ANTXR2: variants seen among roughly 807,000 people sequenced by gnomAD.
ANTXR2 encodes ANTXR cell adhesion molecule 2.
Under a neutral mutation model 73.7 loss-of-function variants are expected in ANTXR2, and 44 were observed. The observed-to-expected ratio is 0.60, with a 90% CI of 0.47 to 0.77. The LOEUF (loss-of-function observed/expected upper bound fraction) is 0.77. ANTXR2 is among the 30% of genes least tolerant of loss of function. The pLI, the probability that ANTXR2 is intolerant of heterozygous loss-of-function variation, is 0.00. For missense variants in ANTXR2, 604 were observed against 592.5 expected, an observed-to-expected ratio of 1.02 and a Z score of -0.20; for synonymous variants, 217 against 205.9, an observed-to-expected ratio of 1.05 and a Z score of -0.46.
In ANTXR2 at chr4:79,996,379, A is replaced by G. The variant is rs186809874; in HGVS notation, c.1042-11516T>C. Among the ~76,000 whole-genome samples the G allele has an allele frequency of 4.6e-3, 695 of 151,994 alleles. 10 individuals carry two copies. The highest frequency in any genetic ancestry group is 0.016 in the African/African-American group (660 of 41,534). On this transcript the variant is annotated intron_variant, in intron 12 of 16. Coordinates refer to ENST00000403729, the MANE Select transcript of ANTXR2 (RefSeq NM_058172.6). ...GATGAATGAATGAATTGACAAATAG[A>G]TGATAGATAATTACACAGATAGTTA...
chr4:79,980,026 ATTC>A (rs935205583), intron 14 of ANTXR2, among the ~76,000 whole-genome samples: 12 of 152,138 alleles, frequency 7.9e-5, no homozygotes, highest in South Asian at 2.1e-4. Context: ...TGATAATCAT[ATTC>A]TTCTTTCAAG....
chr4:79,937,446 G>A (rs542058988), intron 16 of ANTXR2, among the ~76,000 whole-genome samples: 2 of 152,220 alleles, frequency 1.3e-5, no homozygotes, highest in African/African-American at 4.8e-5. Context: ...CTCACAGAAA[G>A]CTTTTTATCT....
chr4:80,029,886 A>T (rs1229906527), intron 10 of ANTXR2, among the ~76,000 whole-genome samples: 2 of 151,856 alleles, frequency 1.3e-5, no homozygotes, highest in Non-Finnish European at 2.9e-5. Context: ...CAAATAGAAG[A>T]TGAAGTCTGA....
chr4:80,050,148 C>T (rs773843232), intron 7 of ANTXR2, among the ~76,000 whole-genome samples: 5 of 151,770 alleles, frequency 3.3e-5, no homozygotes, highest in Non-Finnish European at 7.4e-5. Flanking sequence ...AGTCCCACCA[C>T]AGGAATTGTG....
Position 80,033,523 on chromosome 4 carries a change from G to A in ANTXR2, c.745C>T (p.Arg249Trp), listed in dbSNP as rs377185226. The part of the protein sequence containing the change: ...LSGRGFMLGS[R>W]NGSVLCTYTV... ...TAAGTGCAGAGAACACTGCCATTCCGACTGCCCAGCATGAATCCTCTTCCA... is the reference window on the plus strand; with the variant it reads ...TAAGTGCAGAGAACACTGCCATTCCAACTGCCCAGCATGAATCCTCTTCCA... Residue 249 changes from arginine to tryptophan, a missense_variant, in exon 9 of 17, where the codon CGG becomes TGG. By Grantham distance (101) the Arg-to-Trp change is moderately radical. Coordinates refer to ENST00000403729, the MANE Select transcript of ANTXR2 (RefSeq NM_058172.6). 1.9e-5 allele frequency: 30 copies of A among 1,597,962 alleles called. No homozygotes were observed. The highest frequency in any genetic ancestry group is 1.0e-4 in the South Asian group (9 of 86,952).
chr4:80,006,634 C>A (rs574556961), intron 12 of ANTXR2, among the ~76,000 whole-genome samples: 4 of 152,124 alleles, frequency 2.6e-5, no homozygotes, highest in African/African-American at 9.6e-5. Context: ...GAAAGTAACT[C>A]CATGATTTGA....
At chr4:79,979,506 T>C (rs1729793297) in intron 14 of ANTXR2, among the ~76,000 whole-genome samples, 1 of 152,230 alleles carries the variant, frequency 6.6e-6, no homozygotes, top group Non-Finnish European at 1.5e-5. Context: ...TTCAGTCTTT[T>C]TGATAAGGCT....
chr4:79,966,263 C>T (rs1390731433), intron 16 of ANTXR2, among the ~76,000 whole-genome samples: 3 of 152,022 alleles, frequency 2.0e-5, no homozygotes, highest in Admixed American at 6.5e-5. Context: ...ACTTGGGCAT[C>T]GTAGTCCCCT....
chr4:80,006,447 T>C (rs566151414), intron 12 of ANTXR2, among the ~76,000 whole-genome samples: 4 of 152,198 alleles, frequency 2.6e-5, no homozygotes, highest in South Asian at 4.1e-4. Flanking sequence ...TTCATACTTA[T>C]ATGAACTTAT....
chr4:79,981,540 T>A (rs376957684), intron 14 of ANTXR2, among the ~76,000 whole-genome samples: 108 of 152,280 alleles, frequency 7.1e-4, no homozygotes, highest in African/African-American at 2.5e-3. Flanking sequence ...TCCTCTTATG[T>A]GTATAGGGTA....
chr4:79,907,573 G>T (rs889276510), intron 16 of ANTXR2, 106 bp from the exon 17 acceptor site: 2 of 1,256,028 alleles, frequency 1.6e-6, no homozygotes, highest in South Asian at 1.3e-5. Flanking sequence ...CCCAAGGAAA[G>T]TACCATGTTA....
chr4:79,909,102 C>G (rs993392133), intron 16 of ANTXR2, among the ~76,000 whole-genome samples: 18 of 152,082 alleles, frequency 1.2e-4, no homozygotes, highest in Admixed American at 6.5e-5. Context: ...CAGTGATCAA[C>G]ATTTAAAATA....
intron 7 of ANTXR2, among the ~76,000 whole-genome samples, chr4:80,047,616 C>A (rs538863943): frequency 6.6e-6 from 1 of 151,620 alleles, no homozygotes; most frequent in Non-Finnish European, 1.5e-5. Context: ...ATGACTCAAC[C>A]GAATCAATTA....
chr4:80,067,193 G>C (rs993523254), intron 3 of ANTXR2, among the ~76,000 whole-genome samples: 1 of 147,244 alleles, frequency 6.8e-6, no homozygotes, highest in African/African-American at 2.6e-5. Context: ...GCAACAGAAC[G>C]AGACTCTGTC....
At chr4:80,012,933 C>T (rs930243087) in intron 11 of ANTXR2, among the ~76,000 whole-genome samples, 4 of 152,182 alleles carry the variant, frequency 2.6e-5, no homozygotes, top group Admixed American at 6.5e-5. Flanking sequence ...ATAATCTGAA[C>T]AGCCTCCTCT....
chr4:80,024,752 C>A, intron 10 of ANTXR2: 1 of 427,016 alleles, frequency 2.3e-6, no homozygotes, highest in Non-Finnish European at 4.6e-6. Flanking sequence ...CAGTGAGACC[C>A]CACCTCAAAA....
At chr4:79,980,650 C>A (rs541281140) in intron 14 of ANTXR2, among the ~76,000 whole-genome samples, 2 of 152,240 alleles carry the variant, frequency 1.3e-5, no homozygotes, top group East Asian at 3.9e-4. Context: ...CAGTTTCACA[C>A]TGAATTGGCA....
chr4:80,037,893 T>A (rs941248868), intron 7 of ANTXR2, among the ~76,000 whole-genome samples: 8 of 152,090 alleles, frequency 5.3e-5, no homozygotes, highest in African/African-American at 1.9e-4. Context: ...AATGGAAGGT[T>A]AAAGGAAAAC....
chr4:79,992,460 G>T (rs1047557771), intron 12 of ANTXR2, among the ~76,000 whole-genome samples: 7 of 151,490 alleles, frequency 4.6e-5, no homozygotes, highest in Non-Finnish European at 1.0e-4. Context: ...ATGCTACAAA[G>T]CCATTATTTC....
Sources: gnomAD v4.1 joint callset for allele counts (sites outside exome capture counted in the v4.1 genomes callset) on GRCh38, gnomAD v4.1.1 for gene constraint, MANE v1.5 for transcripts, NCBI Gene and HGNC (gene_info 2026-07-23, HGNC 2026-07-21) for gene names.